COL14A1: variants seen among roughly 807,000 people sequenced by gnomAD.
The protein encoded by COL14A1 is collagen type XIV alpha 1 chain, also known as collagen alpha-1(XIV) chain.
A neutral mutation model predicts 230.3 loss-of-function variants in COL14A1; 136 were observed. The ratio of observed to expected loss-of-function variants is 0.59; its 90% CI spans 0.51 to 0.68. The LOEUF is 0.68. COL14A1 is among the 30% of genes least tolerant of loss of function. The pLI is 0.00. For missense variants in COL14A1, 1,976 were observed against 2,215.8 expected (o/e 0.89, Z 2.17); for synonymous variants, 792 against 784.1 (o/e 1.01, Z -0.17).
intron 1 of COL14A1, among the ~76,000 whole-genome samples, chr8:120,134,472 A>T (rs1814644689): frequency 6.6e-6 from 1 of 152,138 alleles, no homozygotes. Context: ...GTTTTAGATG[A>T]TCAAAGATTT....
chr8:120,136,195 A>G (rs1367537842), intron 1 of COL14A1, among the ~76,000 whole-genome samples: 2 of 152,158 alleles, frequency 1.3e-5, no homozygotes, highest in African/African-American at 4.8e-5. Flanking sequence ...TCTTAGGAGA[A>G]AAGCATTCAA....
At chr8:120,206,749 T>C (rs924232667) in intron 9 of COL14A1, among the ~76,000 whole-genome samples, 194 bp from the exon 10 acceptor site, 1 of 152,210 alleles carries the variant, frequency 6.6e-6, no homozygotes, top group Non-Finnish European at 1.5e-5. Context: ...TCCTCGGAAC[T>C]TAGCATAGTA....
chr8:120,151,763 C>T (rs1290198675), intron 2 of COL14A1, among the ~76,000 whole-genome samples: 1 of 151,178 alleles, frequency 6.6e-6, no homozygotes. Context: ...ATTAAGATGT[C>T]AGATTGAATT....
Position 120,371,029 on chromosome 8 carries a change from A to T in COL14A1, c.5312-123A>T, listed in dbSNP as rs1823568722. 6.8e-6 allele frequency: 7 copies of T among 1,031,430 alleles called. No individual in the cohort carries two copies. In the African/African-American group the frequency reaches 1.1e-4, roughly 17 times the overall value. 63.9% of individuals were successfully genotyped at this position (1,031,430 alleles called of 1,614,324 possible). On this transcript the variant is annotated intron_variant, in intron 47 of 47. Coordinates refer to ENST00000297848, the MANE Select transcript of COL14A1 (RefSeq NM_021110.4). ...GAAGGTACAAGGGGCGTGGTGGATT[A>T]AGACATCCACTGCTTTTTACCCAGC...
rs1378184071 is a variant in COL14A1 at position 120,207,108 on chromosome 8, A to G, written c.1191+14A>G. 5 of 1,599,898 alleles carry G rather than the reference A, an allele frequency of 3.1e-6. No homozygotes were observed. In the African/African-American group the frequency reaches 5.4e-5, roughly 17 times the overall value. Reference sequence around the variant, plus strand: ...AAACCAGACGAGGTAATAAGGAGAGAGTATTTTCAAACCATTCTTTTTATT... The same window carrying G: ...AAACCAGACGAGGTAATAAGGAGAGGGTATTTTCAAACCATTCTTTTTATT... On this transcript the variant is annotated intron_variant, in intron 10 of 47. Transcript: ENST00000297848.
intron 45 of COL14A1, among the ~76,000 whole-genome samples, chr8:120,364,278 T>G (rs1823327739): frequency 6.6e-6 from 1 of 152,210 alleles, no homozygotes; most frequent in East Asian, 1.9e-4. Context: ...ATCTCATGGA[T>G]AGTCACAGGC....
chr8:120,154,754 A>G (rs4133251), intron 2 of COL14A1, among the ~76,000 whole-genome samples: 125,922 of 152,172 alleles, frequency 0.83, 52,604 homozygotes, highest in African/African-American at 0.95. Context: ...GTTCATGCAA[A>G]CGTTTATAAT....
intron 45 of COL14A1, among the ~76,000 whole-genome samples, chr8:120,348,072 T>G (rs1822585388): frequency 6.6e-6 from 1 of 151,872 alleles, no homozygotes; most frequent in African/African-American, 2.4e-5. Context: ...AAAAGATATT[T>G]GCATATGCAT....
At chr8:120,125,607 G>A (rs1814302815) in intron 1 of COL14A1, among the ~76,000 whole-genome samples, 1 of 152,070 alleles carries the variant, frequency 6.6e-6, no homozygotes, top group Non-Finnish European at 1.5e-5. Flanking sequence ...GTGCTGCTCC[G>A]GGAAGCTTTT....
chr8:120,194,275 T>C (rs1362963166), intron 5 of COL14A1, among the ~76,000 whole-genome samples: 1 of 152,228 alleles, frequency 6.6e-6, no homozygotes, highest in East Asian at 1.9e-4. Flanking sequence ...TTAAATTATG[T>C]GACATAAACA....
intron 40 of COL14A1, among the ~76,000 whole-genome samples, chr8:120,327,590 T>C (rs1821722497): frequency 6.6e-6 from 1 of 152,136 alleles, no homozygotes; most frequent in African/African-American, 2.4e-5. Flanking sequence ...GTAGGATGAC[T>C]CCTGATGTCT....
intron 21 of COL14A1, 95 bp from the exon 22 acceptor site, chr8:120,250,522 A>G (rs1818903402): frequency 7.5e-7 from 1 of 1,332,736 alleles, no homozygotes; most frequent in Non-Finnish European, 1.1e-6. Flanking sequence ...ATCCCAGGCA[A>G]CTGAAAAGCA....
intron 42 of COL14A1, among the ~76,000 whole-genome samples, chr8:120,337,582 T>C (rs1467645764): frequency 2.0e-5 from 3 of 152,184 alleles, no homozygotes; most frequent in Non-Finnish European, 4.4e-5. Context: ...ATCTTTAATA[T>C]GTAGGACTTG....
intron 34 of COL14A1, among the ~76,000 whole-genome samples, chr8:120,292,507 T>C (rs1222388415): frequency 2.0e-5 from 3 of 152,130 alleles, no homozygotes; most frequent in Non-Finnish European, 4.4e-5. Context: ...TTAAGTTAGA[T>C]CTCAAGAATG....
chr8:120,234,339 C>T (rs371502082), intron 19 of COL14A1, among the ~76,000 whole-genome samples: 14 of 152,220 alleles, frequency 9.2e-5, no homozygotes, highest in African/African-American at 3.1e-4. Flanking sequence ...GCCAGAACCT[C>T]GAATACTATG....
chr8:120,325,896 C>T (rs992321805), intron 40 of COL14A1, among the ~76,000 whole-genome samples: 14 of 152,118 alleles, frequency 9.2e-5, no homozygotes, highest in Non-Finnish European at 1.3e-4. Context: ...GGTTTTGGGA[C>T]GTGCAAGTAC....
intron 11 of COL14A1, 94 bp from the exon 12 acceptor site, chr8:120,209,662 C>T (rs945728237): frequency 7.8e-7 from 1 of 1,281,204 alleles, no homozygotes; most frequent in East Asian, 2.4e-5. Flanking sequence ...TCTCCCTTCC[C>T]CTCAAATATG....
rs76115563 is a variant in COL14A1 at position 120,184,800 on chromosome 8, A to G, written c.437-11991A>G. ...AGCAACATATGAGCTCAAGGCAGTCAGGCAGGCTTCTCTCTTACTCAGCAT... is the reference window on the plus strand; with the variant it reads ...AGCAACATATGAGCTCAAGGCAGTCGGGCAGGCTTCTCTCTTACTCAGCAT... On this transcript the variant is annotated intron_variant, in intron 5 of 47. Coordinates refer to ENST00000297848, the MANE Select transcript of COL14A1 (RefSeq NM_021110.4). 7.1e-3 allele frequency among the ~76,000 whole-genome samples: 1,084 copies of G among 152,316 alleles called. 14 individuals are homozygous for G. The highest frequency in any genetic ancestry group is 0.024 in the African/African-American group (996 of 41,582).
chr8:120,186,756 TG>T (rs1816667199), intron 5 of COL14A1, among the ~76,000 whole-genome samples: 1 of 152,178 alleles, frequency 6.6e-6, no homozygotes, highest in Non-Finnish European at 1.5e-5. Flanking sequence ...GTGAACTATG[TG>T]AACAGAGGAA....
Sources: allele counts gnomAD v4.1 joint callset (sites outside exome capture counted in the v4.1 genomes callset), GRCh38; gene constraint gnomAD v4.1.1; transcripts MANE v1.5; gene names NCBI Gene and HGNC (gene_info 2026-07-23, HGNC 2026-07-21).